AHCTF1: variants seen among roughly 807,000 people sequenced by gnomAD.
AHCTF1 encodes AT-hook containing transcription factor 1, also known as protein ELYS.
In AHCTF1, 24 loss-of-function variants were observed where a neutral mutation model predicts 248.4. The ratio of observed to expected loss-of-function variants is 0.10; its 90% confidence interval spans 0.07 to 0.14. AHCTF1 has a LOEUF of 0.14. Ranked by LOEUF, AHCTF1 falls within the 10% of genes least tolerant of loss-of-function variation. The pLI is 1.00. For synonymous variants in AHCTF1, 786 were observed against 929.8 expected (o/e 0.85, Z 2.81); for missense variants, 2,206 against 2,636.2 (o/e 0.84, Z 3.57).
chr1:246,881,695 G>T (rs1355803540), intron 21 of AHCTF1, among the ~76,000 whole-genome samples: 1 of 151,652 alleles, frequency 6.6e-6, no homozygotes, highest in Non-Finnish European at 1.5e-5. Context: ...AAAATTAGGT[G>T]GGCATGATGG....
At chr1:246,896,588 CTGTTT>C (rs1664589814) in intron 12 of AHCTF1, among the ~76,000 whole-genome samples, 1 of 152,132 alleles carries the variant, frequency 6.6e-6, no homozygotes, top group Non-Finnish European at 1.5e-5. Flanking sequence ...AAAGGAGTGA[CTGTTT>C]ATGGGCATAG....
chr1:246,898,073 A>G, intron 12 of AHCTF1, 135 bp downstream of exon 12: 1 of 1,252,844 alleles, frequency 8.0e-7, no homozygotes. Context: ...TAAGACCACA[A>G]CTGCTGATCA....
intron 1 of AHCTF1, among the ~76,000 whole-genome samples, chr1:246,922,611 C>T (rs61854044): frequency 0.26 from 39,819 of 150,722 alleles, 5,432 homozygotes; most frequent in Admixed American, 0.3. Context: ...CCATGATGGT[C>T]TTGAACTCCT....
In AHCTF1 at chr1:246,850,479, T is replaced by C. The variant is rs763339244; in HGVS notation, c.5527A>G (p.Arg1843Gly). The C allele has an allele frequency of 3.1e-6, 5 of 1,598,414 alleles. No individual in the cohort carries two copies. The highest frequency in any genetic ancestry group is 3.5e-5 in the Admixed American group (2 of 56,570). ...LQITTGRESK[R>G]LKSSQLLEPA... ...TCCAACAGCTGAGATGATTTTAATC[T>C]TTTTGATTCCCTACCTGTAGTGATC... The change falls in exon 33 of 36, where the codon AGA becomes GGA. Residue 1843 changes from arginine (R) to glycine (G), a missense_variant. Coordinates refer to ENST00000648844, the MANE Select transcript of AHCTF1 (RefSeq NM_001323342.2).
chr1:246,869,032 G>C (rs921256525), intron 24 of AHCTF1, among the ~76,000 whole-genome samples: 14 of 151,400 alleles, frequency 9.2e-5, no homozygotes, highest in African/African-American at 1.5e-4. Context: ...TTTTAGTAGA[G>C]ACGGGGTTTC....
intron 27 of AHCTF1, among the ~76,000 whole-genome samples, chr1:246,862,633 T>C (rs1190926328): frequency 4.6e-5 from 7 of 152,226 alleles, no homozygotes; most frequent in Non-Finnish European, 1.5e-5. Context: ...GAGCTTTTTA[T>C]ACGTAAGTCT....
chr1:246,924,387 G>C (rs556210791), intron 1 of AHCTF1, among the ~76,000 whole-genome samples: 1 of 151,922 alleles, frequency 6.6e-6, no homozygotes, highest in Non-Finnish European at 1.5e-5. Context: ...CATTAGTGCC[G>C]TTTATTTTTG....
At chr1:246,862,479 CAA>C (rs748209865) in intron 27 of AHCTF1, among the ~76,000 whole-genome samples, 8 of 115,850 alleles carry the variant, frequency 6.9e-5, no homozygotes, top group South Asian at 2.6e-4. Flanking sequence ...GACTCCGTCT[CAA>C]AAAAAAAAAA....
intron 8 of AHCTF1, among the ~76,000 whole-genome samples, chr1:246,901,862 C>T (rs527529078): frequency 2.0e-5 from 3 of 152,264 alleles, no homozygotes; most frequent in African/African-American, 7.2e-5. Context: ...TTTAAAAAGA[C>T]GTGAGCTCAT....
At chr1:246,898,144 C>A (rs1180843413) in intron 12 of AHCTF1, 64 bp downstream of exon 12, 1 of 1,587,542 alleles carries the variant, frequency 6.3e-7, no homozygotes, top group Admixed American at 1.8e-5. Context: ...TACATTTTTA[C>A]TGTAATAGAA....
chr1:246,844,057 G>T, intron 33 of AHCTF1, 129 bp from the exon 34 acceptor site: 1 of 586,902 alleles, frequency 1.7e-6, no homozygotes, highest in Non-Finnish European at 2.5e-6. Flanking sequence ...GAAACCATTA[G>T]TATTGCAACC....
intron 2 of AHCTF1, 147 bp downstream of exon 2, chr1:246,918,103 T>G: frequency 1.6e-6 from 1 of 611,584 alleles, no homozygotes; most frequent in Non-Finnish European, 2.4e-6. Context: ...TTATAGATGT[T>G]ATATATGTAA....
chr1:246,870,999 G>A (rs1343724597), intron 24 of AHCTF1, among the ~76,000 whole-genome samples: 1 of 152,156 alleles, frequency 6.6e-6, no homozygotes, highest in Non-Finnish European at 1.5e-5. Context: ...AACAAAAAGT[G>A]ACTGCGCTCC....
chr1:246,924,790 T>G (rs536414298), intron 1 of AHCTF1, among the ~76,000 whole-genome samples: 2 of 152,304 alleles, frequency 1.3e-5, no homozygotes, highest in African/African-American at 4.8e-5. Context: ...AAGTTATGTT[T>G]GAGATTTCCA....
At chr1:246,931,277 G>A (rs998017902) in intron 1 of AHCTF1, 3 of 1,548,306 alleles carry the variant, frequency 1.9e-6, no homozygotes, top group African/African-American at 1.4e-5. Context: ...TCCGTAAAGG[G>A]ACCCGACTGC....
Position 246,861,410 on chromosome 1 carries a change from T to A in AHCTF1, c.3736-115A>T, listed in dbSNP as rs188072806. 70 of 972,722 alleles carry A rather than the reference T, an allele frequency of 7.2e-5. No homozygotes were observed. In the Admixed American group the frequency reaches 1.4e-3, roughly 20 times the overall value. 60.3% of individuals were successfully genotyped at this position (972,722 alleles called of 1,614,324 possible). A position where few individuals can be genotyped will look rare whatever the true frequency, so the allele number is the denominator to read the frequency against. On this transcript the variant is annotated intron_variant, in intron 28 of 35. Transcript: ENST00000648844. ...TTCTTTGTTGTTTTTACCCAAATTCTCTCCTTAATAAAAATTCATTTATTC... is the reference window on the plus strand; with the variant it reads ...TTCTTTGTTGTTTTTACCCAAATTCACTCCTTAATAAAAATTCATTTATTC...
Position 246,931,228 on chromosome 1 carries a change from G to C in AHCTF1, c.-8+350C>G, listed in dbSNP as rs985408565. The C allele has an allele frequency of 1.3e-6, 2 of 1,550,132 alleles. 1 individual carries two copies. Among genetic ancestry groups the C allele is most frequent in the Admixed American group, 3.9e-5 (2 of 50,954 alleles). ...GGAAAGGCCCGCCAACGAGTCCATC[G>C]CGTGGGAGAACAGTGGGAAAGGGTC... On this transcript the variant is annotated intron_variant, in intron 1 of 35. Transcript: ENST00000648844.
At chr1:246,867,577 A>G in intron 25 of AHCTF1, 84 bp downstream of exon 25, 2 of 1,498,228 alleles carry the variant, frequency 1.3e-6, no homozygotes, top group African/African-American at 1.4e-5. Context: ...ACTTAGGCAA[A>G]GAGAGTGGAT....
At chr1:246,927,716 T>C (rs1667039368) in intron 1 of AHCTF1, among the ~76,000 whole-genome samples, 2 of 152,178 alleles carry the variant, frequency 1.3e-5, no homozygotes, top group African/African-American at 2.4e-5. Context: ...ATGAAGATAC[T>C]GTTCATGGCC....
Sources: allele counts gnomAD v4.1 joint callset (sites outside exome capture counted in the v4.1 genomes callset), GRCh38; gene constraint gnomAD v4.1.1; transcripts MANE v1.5; gene names NCBI Gene and HGNC (gene_info 2026-07-23, HGNC 2026-07-21).